Variants in ZNF83 observed in about 807,000 individuals in gnomAD.
The protein encoded by ZNF83 is zinc finger protein 83, also known as zinc finger protein 816B.
For synonymous variants in ZNF83, 209 were observed against 213.0 expected (o/e 0.98, Z 0.17); for missense variants, 552 against 629.9 (o/e 0.88, Z 1.32).
chr19:52,678,139 TA>T (rs2061848517), intron 1 of ZNF83, among the ~76,000 whole-genome samples: 1 of 151,822 alleles, frequency 6.6e-6, no homozygotes, highest in African/African-American at 2.4e-5. Context: ...ATGCGCTAAC[TA>T]AAATGGTTGC....
chr19:52,646,259 T>C (rs938415214), intron 3 of ZNF83, among the ~76,000 whole-genome samples: 1 of 152,086 alleles, frequency 6.6e-6, no homozygotes, highest in Non-Finnish European at 1.5e-5. Flanking sequence ...AAAAATTATA[T>C]GTAGGCCAGG....
chr19:52,616,031 C>T (rs7256495), intron 2 of ZNF83, among the ~76,000 whole-genome samples: 75,641 of 151,930 alleles, frequency 0.5, 19,789 homozygotes, highest in African/African-American at 0.66. Flanking sequence ...AGAGACGGGG[C>T]TTCACCAAGT....
At chr19:52,680,414 A>C (rs2061887881) in intron 1 of ZNF83, among the ~76,000 whole-genome samples, 1 of 152,108 alleles carries the variant, frequency 6.6e-6, no homozygotes, top group Non-Finnish European at 1.5e-5. Context: ...CCCTGAAAGT[A>C]AAATGTCCCT....
intron 1 of ZNF83, 181 bp from the exon 2 acceptor site, chr19:52,635,334 A>C: frequency 2.7e-6 from 1 of 366,160 alleles, no homozygotes; most frequent in Non-Finnish European, 4.9e-6. Context: ...AGCCCACACC[A>C]CACCCTTCTG....
At chr19:52,630,033 C>A (rs200008101) in intron 2 of ZNF83, among the ~76,000 whole-genome samples, 20,540 of 151,860 alleles carry the variant, frequency 0.14, 1,333 homozygotes, top group South Asian at 0.23. Flanking sequence ...ACCTCCTCCC[C>A]CAGGAGCTTG....
chr19:52,662,061 A>C (rs184644274), intron 1 of ZNF83, among the ~76,000 whole-genome samples: 30 of 151,794 alleles, frequency 2.0e-4, no homozygotes, highest in East Asian at 1.6e-3. Context: ...TCCTGGGAGC[A>C]CAGATCCATA....
rs1382493395 is a variant in ZNF83 at position 52,686,761 on chromosome 19, C to T, written c.-283+3682G>A. Among the ~76,000 whole-genome samples the T allele has an allele frequency of 9.9e-5, 15 of 152,110 alleles. No homozygotes were observed. In the South Asian group the frequency reaches 1.2e-3, roughly 13 times the overall value. On this transcript the variant is annotated intron_variant, in intron 1 of 5. Transcript: ENST00000594682. ...CTAAGTTTTGTATTTTTCATAGAGA[C>T]GGCGTTTCACCATGTTGGCCAGGCT...
intron 2 of ZNF83, among the ~76,000 whole-genome samples, chr19:52,625,587 C>A (rs540985734): frequency 3.9e-5 from 6 of 152,154 alleles, no homozygotes; most frequent in African/African-American, 1.2e-4. Flanking sequence ...ACAATTGGGG[C>A]CTTCCAGCTC....
At chr19:52,630,667 G>A (rs2060922746) in intron 2 of ZNF83, among the ~76,000 whole-genome samples, 1 of 151,802 alleles carries the variant, frequency 6.6e-6, no homozygotes, top group African/African-American at 2.4e-5. Flanking sequence ...TAACCCACAA[G>A]TATGGGACAT....
intron 2 of ZNF83, among the ~76,000 whole-genome samples, chr19:52,620,508 C>A (rs1326544643): frequency 6.6e-6 from 1 of 152,068 alleles, no homozygotes; most frequent in Non-Finnish European, 1.5e-5. Context: ...ACTCCTTATA[C>A]AGAGAAAAGT....
At chr19:52,683,522 A>AGGACCCTCACTCTG (rs199947809) in intron 1 of ZNF83, among the ~76,000 whole-genome samples, 28 of 84,162 alleles carry the variant, frequency 3.3e-4, no homozygotes, top group African/African-American at 7.3e-4. Flanking sequence ...AAGGGAATCC[A>AGGACCCTCACTCTG]AAGGGAAGGG....
At chr19:52,632,932 A>G (rs1161217915) in intron 2 of ZNF83, among the ~76,000 whole-genome samples, 1 of 152,166 alleles carries the variant, frequency 6.6e-6, no homozygotes, top group Non-Finnish European at 1.5e-5. Flanking sequence ...CGCTCGAAGC[A>G]GCCCAGAGAA....
At chr19:52,636,360 G>A (rs1010556177) in intron 1 of ZNF83, 9 of 108,298 alleles carry the variant, frequency 8.3e-5, no homozygotes, top group Admixed American at 7.6e-4. Flanking sequence ...AACAGAAAGG[G>A]ATTTTTTTCT....
intron 2 of ZNF83, chr19:52,619,007 C>T (rs750505277): frequency 6.2e-7 from 1 of 1,603,150 alleles, no homozygotes; most frequent in Non-Finnish European, 8.5e-7. Context: ...AGGGTCCAGG[C>T]ATTTCCACTC....
chr19:52,618,584 A>G, intron 2 of ZNF83: 1 of 243,860 alleles, frequency 4.1e-6, no homozygotes, highest in Non-Finnish European at 7.9e-6. Flanking sequence ...TTTAGTAGAG[A>G]TGACGTTTCG....
chr19:52,647,454 T>A (rs1001958321), intron 3 of ZNF83, among the ~76,000 whole-genome samples: 2 of 151,906 alleles, frequency 1.3e-5, no homozygotes, highest in African/African-American at 4.8e-5. Context: ...TTAATTTTTG[T>A]TTTTTGGAAG....
intron 1 of ZNF83, among the ~76,000 whole-genome samples, chr19:52,663,404 T>C (rs201904195): frequency 1.3e-5 from 2 of 152,216 alleles, no homozygotes; most frequent in East Asian, 3.8e-4. Flanking sequence ...CATGAACACA[T>C]GGACTCTGCT....
At chr19:52,655,912 A>G (rs2061497756) in intron 2 of ZNF83, among the ~76,000 whole-genome samples, 1 of 108,242 alleles carries the variant, frequency 9.2e-6, no homozygotes, top group Non-Finnish European at 1.9e-5. Context: ...GTTTTATGGA[A>G]AATACAAAAA....
chr19:52,649,240 C>T (rs1334024315), intron 3 of ZNF83, among the ~76,000 whole-genome samples: 6 of 152,300 alleles, frequency 3.9e-5, no homozygotes, highest in African/African-American at 1.2e-4. Context: ...AAATCCCCCA[C>T]GTGAGTTTGT....
Sources: gnomAD v4.1 joint callset for allele counts (sites outside exome capture counted in the v4.1 genomes callset) on GRCh38, gnomAD v4.1.1 for gene constraint, MANE v1.5 for transcripts, NCBI Gene and HGNC (gene_info 2026-07-23, HGNC 2026-07-21) for gene names.